Variants in WSCD2 observed in about 807,000 individuals in gnomAD.
The protein encoded by WSCD2 is sialate:O-sulfotransferase 2.
WSCD2 carries 28 observed loss-of-function variants against 55.7 expected under a neutral mutation model. That is an observed-to-expected ratio of 0.50 (90% CI 0.37 to 0.69). The LOEUF (loss-of-function observed/expected upper bound fraction) is 0.69. Ranked by LOEUF, WSCD2 falls within the 30% of genes least tolerant of loss-of-function variation. The probability of loss-of-function intolerance (pLI) is 0.00; values close to 1 mark genes in which losing one functional copy is unlikely to be tolerated. For synonymous variants in WSCD2, 301 were observed against 301.9 expected, an observed-to-expected ratio of 1.00 and a Z score of 0.03; for missense variants, 616 against 762.1, an observed-to-expected ratio of 0.81 and a Z score of 2.26.
At chr12:108,145,401 T>C (rs1877280782) in intron 1 of WSCD2, among the ~76,000 whole-genome samples, 1 of 152,170 alleles carries the variant, frequency 6.6e-6, no homozygotes, top group African/African-American at 2.4e-5. Context: ...ACTGTCTGCT[T>C]TTGGGGGTCA....
chr12:108,247,046 C>A (rs748113927), intron 8 of WSCD2, among the ~76,000 whole-genome samples: 9 of 152,168 alleles, frequency 5.9e-5, no homozygotes, highest in Non-Finnish European at 1.0e-4. Flanking sequence ...TACAAGAGCT[C>A]CATTATTATC....
chr12:108,140,973 T>A (rs1358370684), intron 1 of WSCD2, among the ~76,000 whole-genome samples: 2 of 152,246 alleles, frequency 1.3e-5, no homozygotes, highest in Non-Finnish European at 2.9e-5. Flanking sequence ...ATGAGTTCCC[T>A]ATGGCTACGG....
At chr12:108,209,053 A>G (rs991592505) in intron 3 of WSCD2, among the ~76,000 whole-genome samples, 1 of 152,126 alleles carries the variant, frequency 6.6e-6, no homozygotes, top group Non-Finnish European at 1.5e-5. Context: ...GTTTTCCTCC[A>G]TCTCAGGTTT....
intron 1 of WSCD2, among the ~76,000 whole-genome samples, chr12:108,184,302 C>T (rs1487141912): frequency 6.6e-6 from 1 of 152,146 alleles, no homozygotes; most frequent in Non-Finnish European, 1.5e-5. Flanking sequence ...ACAGAGACCA[C>T]CTCTCCACCA....
At chr12:108,246,388 G>A (rs60696573) in intron 8 of WSCD2, among the ~76,000 whole-genome samples, 2,765 of 152,280 alleles carry the variant, frequency 0.018, 71 homozygotes, top group African/African-American at 0.063. Context: ...GGCAGGCACC[G>A]GGTAGTGTTT....
intron 1 of WSCD2, among the ~76,000 whole-genome samples, chr12:108,147,102 G>C (rs1278480754): frequency 6.6e-6 from 1 of 152,196 alleles, no homozygotes; most frequent in African/African-American, 2.4e-5. Context: ...ACCGGCCTGG[G>C]AAACTGGATC....
chr12:108,206,841 A>G (rs1307980204), intron 3 of WSCD2, among the ~76,000 whole-genome samples: 1 of 152,268 alleles, frequency 6.6e-6, no homozygotes, highest in Non-Finnish European at 1.5e-5. Context: ...CAGTGTGTTG[A>G]GAGCATGCAA....
At position 108,206,269 on chromosome 12, in the gene WSCD2, A is replaced by C; in HGVS notation, c.383-20A>C. ...GCAGCTTTGTCCCCAGCCACCTTTGACGTTTTCCTTTCCCCAAAGCCAAGT... is the reference window on the plus strand; with the variant it reads ...GCAGCTTTGTCCCCAGCCACCTTTGCCGTTTTCCTTTCCCCAAAGCCAAGT... On this transcript the variant is annotated intron_variant, in intron 2 of 8. Transcript: ENST00000547525. The C allele has an allele frequency of 6.2e-7, 1 of 1,609,236 alleles. No homozygotes were observed. Among genetic ancestry groups the C allele is most frequent in the African/African-American group, 1.3e-5 (1 of 74,892 alleles).
At chr12:108,201,709 C>T (rs936563486) in intron 2 of WSCD2, among the ~76,000 whole-genome samples, 2 of 152,122 alleles carry the variant, frequency 1.3e-5, no homozygotes, top group Admixed American at 6.5e-5. Flanking sequence ...GCCTCCTATT[C>T]GTGAATCTGT....
rs1194064961 is a variant in WSCD2, at chr12:108,250,527, T to A, written c.*2184T>A. The A allele has an allele frequency of 6.6e-6, 1 of 152,282 alleles. No individual in the cohort carries two copies. Among genetic ancestry groups the A allele is most frequent in the Non-Finnish European group, 1.5e-5 (1 of 68,076 alleles). The allele number at this position is 152,282 out of a possible 1,614,324, so 9.4% of individuals were successfully genotyped here. ...CCCGTGTAAAGGAGGAAATGGTCAG[T>A]GTGCATGAAATCCATGTGTGAGAAG... On this transcript the variant is annotated 3_prime_UTR_variant, in exon 9 of 9. Transcript: ENST00000547525.
intron 1 of WSCD2, among the ~76,000 whole-genome samples, chr12:108,163,468 C>A (rs1324908649): frequency 2.0e-5 from 3 of 152,220 alleles, no homozygotes; most frequent in African/African-American, 7.2e-5. Context: ...CCCCACCAAA[C>A]CTGTCCACGT....
chr12:108,164,158 T>TTTTTTTTTTTTTTTTTTTTTTG (rs1159854999), intron 1 of WSCD2, among the ~76,000 whole-genome samples: 1 of 144,546 alleles, frequency 6.9e-6, no homozygotes, highest in Non-Finnish European at 1.5e-5. Context: ...TTTTTTTTTT[T>TTTTTTTTTTTTTTTTTTTTTTG]TTTTCAGAGA....
In WSCD2 at chr12:108,232,864, C is replaced by A. The variant is rs1888917873; in HGVS notation, c.1113C>A (p.Ser371Arg). The change falls in exon 7 of 9, where the codon AGC becomes AGA. Residue 371 changes from serine to arginine, a missense_variant. This residue lies in a region of WSCD2 where 234 missense variants were observed against 264.6 expected (regional missense o/e 0.88). Transcript: ENST00000547525. ...IELATGFYTG[S>R]YYFDGSLYNK... is the part of the protein sequence containing the mutation. Reference sequence around the variant, plus strand: ...TGGCCACAGGCTTCTACACTGGCAGCTACTACTTCGATGGCTCCCTCTACA... The same window carrying A: ...TGGCCACAGGCTTCTACACTGGCAGATACTACTTCGATGGCTCCCTCTACA... 2 of 1,613,616 alleles carry A rather than the reference C, an allele frequency of 1.2e-6. No individual in the cohort carries two copies. Among genetic ancestry groups the A allele is most frequent in the Non-Finnish European group, 8.5e-7 (1 of 1,179,724 alleles).
intron 4 of WSCD2, among the ~76,000 whole-genome samples, chr12:108,214,013 T>C (rs1359674539): frequency 6.6e-6 from 1 of 152,190 alleles, no homozygotes; most frequent in Non-Finnish European, 1.5e-5. Context: ...TTCCTAGGAT[T>C]ATGCCTAGGA....
chr12:108,217,151 A>C (rs1886935279), intron 4 of WSCD2, among the ~76,000 whole-genome samples: 1 of 152,240 alleles, frequency 6.6e-6, no homozygotes, highest in African/African-American at 2.4e-5. Context: ...GGCTCAGCAA[A>C]GTGAAGACAC....
chr12:108,153,830 A>G (rs993874613), intron 1 of WSCD2, among the ~76,000 whole-genome samples: 3 of 152,050 alleles, frequency 2.0e-5, no homozygotes, highest in African/African-American at 7.2e-5. Flanking sequence ...CAGAAAGCTC[A>G]TTGATGTGGT....
chr12:108,206,260 C>A (rs750974821), intron 2 of WSCD2, 29 bp from the exon 3 acceptor site: 4 of 1,596,600 alleles, frequency 2.5e-6, no homozygotes, highest in African/African-American at 2.7e-5. Context: ...TTGTCCCCAG[C>A]CACCTTTGAC....
At chr12:108,179,913 G>A (rs35739367) in intron 1 of WSCD2, among the ~76,000 whole-genome samples, 23,519 of 151,954 alleles carry the variant, frequency 0.15, 2,396 homozygotes, top group Non-Finnish European at 0.22. Flanking sequence ...CGTGGTGGCA[G>A]GTGCCTGTAA....
chr12:108,207,839 G>A (rs1384985954), intron 3 of WSCD2, among the ~76,000 whole-genome samples: 1 of 152,050 alleles, frequency 6.6e-6, no homozygotes, highest in Non-Finnish European at 1.5e-5. Flanking sequence ...TCAAACTTGG[G>A]TGCAGGGGGG....
Sources: allele counts gnomAD v4.1 joint callset (sites outside exome capture counted in the v4.1 genomes callset), GRCh38; gene constraint gnomAD v4.1.1; regional missense constraint gnomAD v4.1.1; transcripts MANE v1.5; gene names NCBI Gene and HGNC (gene_info 2026-07-23, HGNC 2026-07-21).